Variants in ARL6IP6 observed in about 807,000 individuals in gnomAD.
ARL6IP6 encodes ADP-ribosylation factor-like protein 6-interacting protein 6.
In ARL6IP6, 22 loss-of-function variants were observed where a neutral mutation model predicts 21.5. That is an observed-to-expected ratio of 1.02 (90% CI 0.73 to 1.46). The LOEUF is 1.46. Ranked by LOEUF, ARL6IP6 falls within the 40% of genes most tolerant of loss-of-function variation. The probability of loss-of-function intolerance (pLI) is 0.00; values close to 1 mark genes in which losing one functional copy is unlikely to be tolerated. For synonymous variants in ARL6IP6, 164 were observed against 125.3 expected, an observed-to-expected ratio of 1.31 and a Z score of -2.06; for missense variants, 388 against 299.8, an observed-to-expected ratio of 1.29 and a Z score of -2.17.
chr2:152,739,689 G>T lies in ARL6IP6; in HGVS notation c.587+4563G>T, dbSNP rs576551801. 5.3e-5 allele frequency among the ~76,000 whole-genome samples: 8 copies of T among 152,254 alleles called. No homozygotes were observed. In the South Asian group the frequency reaches 1.7e-3, roughly 32 times the overall value. On this transcript the variant is annotated intron_variant, in intron 3 of 3. Transcript: ENST00000326446. ...CACATTTTCAGGTATGTTTACAGCAGCAACCCGCTCTACCGGTACCAATTT... is the reference window on the plus strand; with the variant it reads ...CACATTTTCAGGTATGTTTACAGCATCAACCCGCTCTACCGGTACCAATTT...
rs577536422 is a variant in ARL6IP6, at chr2:152,724,970, A to G, written c.454+4384A>G. Among the ~76,000 whole-genome samples the G allele has an allele frequency of 3.9e-5, 6 of 152,250 alleles. No individual in the cohort carries two copies. In the South Asian group the frequency reaches 1.2e-3, roughly 32 times the overall value. ...CTTTTACGGAATCTTAGACCCTATA[A>G]TTATCTACTGAATCGAAGTAACTTA... On this transcript the variant is annotated intron_variant, in intron 2 of 3. Coordinates refer to ENST00000326446, the MANE Select transcript of ARL6IP6 (RefSeq NM_152522.7).
chr2:152,736,559 C>A (rs893820517), intron 3 of ARL6IP6, among the ~76,000 whole-genome samples: 3 of 152,106 alleles, frequency 2.0e-5, no homozygotes, highest in African/African-American at 7.2e-5. Flanking sequence ...AGAATGCTTC[C>A]TGTTTGCATT....
chr2:152,757,845 G>C (rs13419134), intron 3 of ARL6IP6, among the ~76,000 whole-genome samples: 30,783 of 152,150 alleles, frequency 0.2, 4,022 homozygotes, highest in Non-Finnish European at 0.3. Context: ...TGCTTTGCCT[G>C]CTTAGTAAGG....
At chr2:152,725,530 C>T (rs13404749) in intron 2 of ARL6IP6, among the ~76,000 whole-genome samples, 4,903 of 152,052 alleles carry the variant, frequency 0.032, 277 homozygotes, top group African/African-American at 0.11. Flanking sequence ...TGTTTGTAAT[C>T]TAAAAATGAA....
intron 3 of ARL6IP6, among the ~76,000 whole-genome samples, chr2:152,742,692 A>G (rs1052131419): frequency 6.6e-6 from 1 of 151,974 alleles, no homozygotes; most frequent in African/African-American, 2.4e-5. Flanking sequence ...TGTGCCTTAC[A>G]GTACATTTTC....
At chr2:152,731,318 A>G (rs1700298762) in intron 2 of ARL6IP6, among the ~76,000 whole-genome samples, 1 of 152,206 alleles carries the variant, frequency 6.6e-6, no homozygotes, top group Admixed American at 6.5e-5. Flanking sequence ...CTGAGTCTGT[A>G]CTTTAACAGT....
chr2:152,728,197 A>G (rs1273622974), intron 2 of ARL6IP6, among the ~76,000 whole-genome samples: 6 of 152,212 alleles, frequency 3.9e-5, no homozygotes, highest in Admixed American at 2.6e-4. Context: ...ATTTCATAAT[A>G]TAAGTATACC....
intron 3 of ARL6IP6, among the ~76,000 whole-genome samples, chr2:152,745,119 A>C (rs759892331): frequency 6.6e-6 from 1 of 152,210 alleles, no homozygotes; most frequent in African/African-American, 2.4e-5. Flanking sequence ...TGGAACATTC[A>C]GGATTCAGTA....
chr2:152,756,606 CTA>C (rs1028570331), intron 3 of ARL6IP6, among the ~76,000 whole-genome samples: 2 of 151,968 alleles, frequency 1.3e-5, no homozygotes, highest in Admixed American at 6.6e-5. Flanking sequence ...GTAAAGAACT[CTA>C]TAAACCAATA....
intron 2 of ARL6IP6, chr2:152,732,602 T>G: frequency 2.3e-6 from 1 of 441,036 alleles, no homozygotes; most frequent in Non-Finnish European, 4.6e-6. Flanking sequence ...TTAAAAATTT[T>G]TTGTCATTCA....
chr2:152,753,365 C>T (rs2105183030), intron 3 of ARL6IP6, among the ~76,000 whole-genome samples: 1 of 152,282 alleles, frequency 6.6e-6, no homozygotes. Context: ...TCACCACCAC[C>T]CACATACATA....
At chr2:152,740,595 ATG>A (rs1416928138) in intron 3 of ARL6IP6, among the ~76,000 whole-genome samples, 4 of 152,110 alleles carry the variant, frequency 2.6e-5, no homozygotes, top group African/African-American at 9.6e-5. Flanking sequence ...ATATTTGTGT[ATG>A]TGTATATATT....
At chr2:152,717,984 C>G (rs1699257981), upstream of ARL6IP6, 1 of 998,754 alleles carries the variant, frequency 1.0e-6, no homozygotes, top group Admixed American at 5.8e-5. Context: ...GTTCGATCTC[C>G]GTACGCACCA....
chr2:152,718,694 G>C lies in ARL6IP6; in HGVS notation c.70G>C (p.Ala24Pro), dbSNP rs1306189801. The C allele has an allele frequency of 1.3e-6, 2 of 1,596,152 alleles. No homozygotes were observed. The highest frequency in any genetic ancestry group is 1.7e-6 in the Non-Finnish European group (2 of 1,169,570). ...RRGPGTPGPV[A>P]RPSYSSFTQG... ...CGGTCCCGGCACCCCGGGCCCTGTG[G>C]CTCGGCCATCGTATTCCTCCTTTAC... The change falls in exon 1 of 4, where the codon GCT becomes CCT. Residue 24 changes from alanine (A) to proline (P), a missense_variant. Ala to Pro is a conservative substitution (Grantham distance 27). Transcript: ENST00000326446.
chr2:152,746,760 C>T (rs1303088934), intron 3 of ARL6IP6, among the ~76,000 whole-genome samples: 1 of 150,528 alleles, frequency 6.6e-6, no homozygotes, highest in Non-Finnish European at 1.5e-5. Flanking sequence ...CCATGGCCTG[C>T]CACAAGTTGC....
chr2:152,724,553 C>A (rs1699946873), intron 2 of ARL6IP6, among the ~76,000 whole-genome samples: 1 of 152,182 alleles, frequency 6.6e-6, no homozygotes, highest in Admixed American at 6.5e-5. Context: ...GAAATTATTA[C>A]AGGACTCTTC....
rs1046242885 is a variant in ARL6IP6 at position 152,750,649 on chromosome 2, G to A, written c.588-9098G>A. 2.1e-3 allele frequency among the ~76,000 whole-genome samples: 319 copies of A among 152,314 alleles called. 9 individuals carry two copies. The highest frequency in any genetic ancestry group is 0.019 in the Admixed American group (292 of 15,300). ...GTTCTTTTCTTTCCCTTTACACAAT[G>A]TACCTCTTTTGTCTGTCAGTCCATT... On this transcript the variant is annotated intron_variant, in intron 3 of 3. Coordinates refer to ENST00000326446, the MANE Select transcript of ARL6IP6 (RefSeq NM_152522.7).
intron 3 of ARL6IP6, among the ~76,000 whole-genome samples, chr2:152,753,320 C>G (rs957587586): frequency 6.6e-6 from 1 of 152,164 alleles, no homozygotes; most frequent in Non-Finnish European, 1.5e-5. Context: ...TTTTGTTCCT[C>G]TGACCTAAAA....
intron 2 of ARL6IP6, among the ~76,000 whole-genome samples, chr2:152,720,983 A>G (rs189117653): frequency 7.0e-4 from 106 of 152,316 alleles, no homozygotes; most frequent in African/African-American, 2.3e-3. Context: ...AGTCCCAGCT[A>G]CTTGGGAGGC....
Sources: gnomAD v4.1 joint callset for allele counts (sites outside exome capture counted in the v4.1 genomes callset) on GRCh38, gnomAD v4.1.1 for gene constraint, MANE v1.5 for transcripts, NCBI Gene and HGNC (gene_info 2026-07-23, HGNC 2026-07-21) for gene names.